The following CTNND2 variants were observed in gnomAD, a reference collection of about 807,000 sequenced individuals.
CTNND2 encodes catenin delta 2.
Under a neutral mutation model 144.4 loss-of-function variants are expected in CTNND2, and 22 were observed. That is an observed-to-expected ratio of 0.15 (90% CI 0.11 to 0.22). The LOEUF is 0.22. CTNND2 is among the 10% of genes least tolerant of loss of function. The probability of loss-of-function intolerance (pLI) is 1.00; values close to 1 mark genes in which losing one functional copy is unlikely to be tolerated. For missense variants in CTNND2, 1,353 were observed against 1,618.8 expected, an observed-to-expected ratio of 0.84 and a Z score of 2.82; for synonymous variants, 751 against 695.6, an observed-to-expected ratio of 1.08 and a Z score of -1.25.
intron 3 of CTNND2, among the ~76,000 whole-genome samples, chr5:11,435,261 C>T (rs1763662501): frequency 6.6e-6 from 1 of 151,982 alleles, no homozygotes; most frequent in South Asian, 2.1e-4. Context: ...GCCTCAGCCT[C>T]CCGAGTAGCT....
intron 2 of CTNND2, among the ~76,000 whole-genome samples, chr5:11,630,419 G>C (rs1306788721): frequency 6.6e-6 from 1 of 152,150 alleles, no homozygotes; most frequent in Admixed American, 6.5e-5. Flanking sequence ...AGGGGTGCAG[G>C]TGTGTTTCTA....
At chr5:11,226,866 C>G (rs1187239660) in intron 10 of CTNND2, among the ~76,000 whole-genome samples, 1 of 152,206 alleles carries the variant, frequency 6.6e-6, no homozygotes, top group Non-Finnish European at 1.5e-5. Flanking sequence ...AAAACAGAGC[C>G]TGCAACTTTA....
intron 1 of CTNND2, among the ~76,000 whole-genome samples, chr5:11,748,040 C>T (rs974114751): frequency 6.6e-6 from 1 of 152,140 alleles, no homozygotes; most frequent in African/African-American, 2.4e-5. Flanking sequence ...GATATCTGCA[C>T]TCAGCCCATA....
chr5:11,212,195 CT>C (rs1202846547), intron 10 of CTNND2, among the ~76,000 whole-genome samples: 1 of 152,106 alleles, frequency 6.6e-6, no homozygotes, highest in Non-Finnish European at 1.5e-5. Context: ...TTCAGTTCAG[CT>C]GATATTTATT....
chr5:11,193,970 A>G (rs544846642), intron 11 of CTNND2, among the ~76,000 whole-genome samples: 1 of 152,332 alleles, frequency 6.6e-6, no homozygotes, highest in East Asian at 1.9e-4. Flanking sequence ...TTTAATATTC[A>G]AAACTGTTCA....
chr5:11,663,541 T>A (rs1783395871), intron 2 of CTNND2, among the ~76,000 whole-genome samples: 1 of 152,172 alleles, frequency 6.6e-6, no homozygotes, highest in East Asian at 1.9e-4. Context: ...TTAAACTACA[T>A]ATGTGTGTAT....
chr5:11,647,412 A>G (rs1782414302), intron 2 of CTNND2, among the ~76,000 whole-genome samples: 3 of 151,962 alleles, frequency 2.0e-5, no homozygotes, highest in African/African-American at 7.2e-5. Flanking sequence ...GTCCTCCTTC[A>G]GTGTTCCCCA....
At chr5:11,406,766 C>T (rs560016067) in intron 5 of CTNND2, among the ~76,000 whole-genome samples, 14 of 151,780 alleles carry the variant, frequency 9.2e-5, no homozygotes, top group Non-Finnish European at 1.6e-4. Flanking sequence ...GTAACATATA[C>T]GATTGATTCC....
chr5:11,862,884 A>G (rs1795567132), intron 1 of CTNND2, among the ~76,000 whole-genome samples: 1 of 152,212 alleles, frequency 6.6e-6, no homozygotes, highest in Non-Finnish European at 1.5e-5. Flanking sequence ...AATAGAGTGA[A>G]TATCATTTGA....
chr5:11,587,735 T>A (rs555799726), intron 2 of CTNND2, among the ~76,000 whole-genome samples: 13 of 152,278 alleles, frequency 8.5e-5, no homozygotes, highest in Admixed American at 2.0e-4. Flanking sequence ...AGGACTTTTT[T>A]ATAAAGACTT....
At chr5:11,471,049 C>T (rs1767181635) in intron 3 of CTNND2, among the ~76,000 whole-genome samples, 1 of 145,098 alleles carries the variant, frequency 6.9e-6, no homozygotes, top group Admixed American at 7.1e-5. Flanking sequence ...GCGATCTCTG[C>T]TCACTGCAAC....
At position 11,791,291 on chromosome 5, in the gene CTNND2, G is replaced by C. The variant is rs140701415; in HGVS notation, c.38-59019C>G. Among the ~76,000 whole-genome samples the C allele has an allele frequency of 1.6e-4, 25 of 152,298 alleles. No homozygotes were observed. In the East Asian group the frequency reaches 4.8e-3, roughly 29 times the overall value. On this transcript the variant is annotated intron_variant, in intron 1 of 21. Coordinates refer to ENST00000304623, the MANE Select transcript of CTNND2 (RefSeq NM_001332.4). ...ACAGCAGCCTGCGGGGTATGGGCAG[G>C]GGGTATCTCATGGATCAGAGCCATG...
chr5:11,169,280 G>C (rs1759664653), intron 11 of CTNND2, among the ~76,000 whole-genome samples: 1 of 152,204 alleles, frequency 6.6e-6, no homozygotes, highest in African/African-American at 2.4e-5. Context: ...ATCCACTGCA[G>C]TGAGGGAGGA....
In CTNND2 at chr5:11,025,631, G is replaced by A. The variant is rs186275862; in HGVS notation, c.2789-2652C>T. 4.6e-5 allele frequency among the ~76,000 whole-genome samples: 7 copies of A among 152,280 alleles called. No individual in the cohort carries two copies. The East Asian group carries it at 1.4e-3, about 29-fold the overall frequency. ...TACAAAAAGAATTCTGGTGCATTAA[G>A]AAGGAAGGTTTCAGAATAGTAAAAC... On this transcript the variant is annotated intron_variant, in intron 16 of 21. Transcript: ENST00000304623.
At chr5:10,989,930 A>G (rs1738478808) in intron 19 of CTNND2, among the ~76,000 whole-genome samples, 1 of 152,188 alleles carries the variant, frequency 6.6e-6, no homozygotes, top group African/African-American at 2.4e-5. Context: ...TGAAGCCATC[A>G]CGGGTTTTGG....
chr5:11,662,249 ATGTGTGTATATATGTGTG>A (rs1783298200), intron 2 of CTNND2, among the ~76,000 whole-genome samples: 1 of 133,384 alleles, frequency 7.5e-6, no homozygotes. Flanking sequence ...ATATACATAT[ATGTGTGTATATATGTGTG>A]TGTGTGTATA....
chr5:11,239,846 G>A (rs746368237), intron 9 of CTNND2, among the ~76,000 whole-genome samples: 3 of 152,210 alleles, frequency 2.0e-5, no homozygotes, highest in Non-Finnish European at 2.9e-5. Context: ...AGTGGAGGAT[G>A]ACACCGTCAT....
intron 3 of CTNND2, among the ~76,000 whole-genome samples, chr5:11,512,411 G>A (rs890241778): frequency 5.3e-5 from 8 of 152,128 alleles, no homozygotes; most frequent in African/African-American, 7.2e-5. Flanking sequence ...AAAATTCTGC[G>A]GCTTATCAAT....
At chr5:11,872,687 G>A (rs1582041384) in intron 1 of CTNND2, among the ~76,000 whole-genome samples, 1 of 152,134 alleles carries the variant, frequency 6.6e-6, no homozygotes, top group Non-Finnish European at 1.5e-5. Flanking sequence ...CTTCTTTTGA[G>A]AAGTGTCTGT....
Sources: allele counts gnomAD v4.1 joint callset (sites outside exome capture counted in the v4.1 genomes callset), GRCh38; gene constraint gnomAD v4.1.1; transcripts MANE v1.5; gene names NCBI Gene and HGNC (gene_info 2026-07-23, HGNC 2026-07-21).